Variants in TPST1 observed in about 807,000 individuals in gnomAD.
The protein encoded by TPST1 is tyrosylprotein sulfotransferase 1, also known as protein-tyrosine sulfotransferase 1.
A neutral mutation model predicts 34.8 loss-of-function variants in TPST1; 20 were observed. The observed-to-expected ratio is 0.57, with a 90% CI of 0.40 to 0.84. TPST1 has a LOEUF of 0.84. Among genes scored for constraint, TPST1 ranks in the 40% least tolerant of loss-of-function variants. The pLI, the probability that TPST1 is intolerant of heterozygous loss-of-function variation, is 0.00. For synonymous variants in TPST1, 152 were observed against 159.4 expected (o/e 0.95, Z 0.35); for missense variants, 353 against 455.5 (o/e 0.78, Z 2.05).
chr7:66,296,169 A>C (rs531588938), intron 3 of TPST1, among the ~76,000 whole-genome samples: 1 of 152,108 alleles, frequency 6.6e-6, no homozygotes, highest in African/African-American at 2.4e-5. Flanking sequence ...CCATGTGACT[A>C]AAGAATCTAT....
At chr7:66,327,994 C>CT (rs1241420683) in intron 3 of TPST1, among the ~76,000 whole-genome samples, 17 of 47,776 alleles carry the variant, frequency 3.6e-4, no homozygotes, top group Non-Finnish European at 6.6e-4. Context: ...TTTTTTCTTT[C>CT]TTTTTTTTTT....
At chr7:66,211,033 CAT>C (rs1402527899) in intron 1 of TPST1, among the ~76,000 whole-genome samples, 1 of 138,496 alleles carries the variant, frequency 7.2e-6, no homozygotes, top group East Asian at 2.0e-4. Flanking sequence ...CCTTTGTTGA[CAT>C]AGTTTCTTGC....
chr7:66,351,551 C>T (rs1389296973), intron 3 of TPST1, among the ~76,000 whole-genome samples: 1 of 151,720 alleles, frequency 6.6e-6, no homozygotes, highest in African/African-American at 2.4e-5. Context: ...AGTAATGTAT[C>T]GATATCTGGT....
rs755634204 is a variant in TPST1 at position 66,241,300 on chromosome 7, C to A, written c.845+30C>A. The A allele has an allele frequency of 3.2e-6, 5 of 1,567,736 alleles. No individual in the cohort carries two copies. The African/African-American group carries it at 6.8e-5, about 21-fold the overall frequency. On this transcript the variant is annotated intron_variant, in intron 2 of 5. Coordinates refer to ENST00000304842, the MANE Select transcript of TPST1 (RefSeq NM_003596.4). ...GTAGAAGATACGTTTTTTATTTTGA[C>A]TCTATATTTAGCTAATAATGATCTA...
chr7:66,203,486 CTTTTTTTT>C (rs373614847), upstream of TPST1, among the ~76,000 whole-genome samples: 2 of 134,572 alleles, frequency 1.5e-5, no homozygotes, highest in Admixed American at 7.6e-5. Flanking sequence ...ACAAAAACTT[CTTTTTTTT>C]TTTTTTTTTG....
At chr7:66,333,171 T>C (rs1405183173) in intron 3 of TPST1, among the ~76,000 whole-genome samples, 3 of 152,224 alleles carry the variant, frequency 2.0e-5, no homozygotes, top group African/African-American at 4.8e-5. Context: ...GAATTAATTA[T>C]ACCTCACTCC....
At chr7:66,255,896 CA>C (rs1318775241) in intron 2 of TPST1, among the ~76,000 whole-genome samples, 2 of 151,720 alleles carry the variant, frequency 1.3e-5, no homozygotes, top group East Asian at 1.9e-4. Flanking sequence ...TGAAGCAGTA[CA>C]GTTTTTTTTA....
At chr7:66,348,224 A>C (rs1307584264) in intron 3 of TPST1, among the ~76,000 whole-genome samples, 1 of 152,144 alleles carries the variant, frequency 6.6e-6, no homozygotes, top group African/African-American at 2.4e-5. Flanking sequence ...AGCCATCATT[A>C]TCTCTTCTCT....
chr7:66,200,539 C>T (rs1008544104), upstream of TPST1, among the ~76,000 whole-genome samples: 2 of 151,718 alleles, frequency 1.3e-5, no homozygotes, highest in African/African-American at 4.8e-5. Context: ...CCTGCCTCAG[C>T]CTCCCGGGTA....
chr7:66,328,030 T>TTG (rs1791907854), intron 3 of TPST1, among the ~76,000 whole-genome samples: 1 of 122,446 alleles, frequency 8.2e-6, no homozygotes, highest in African/African-American at 3.1e-5. Flanking sequence ...TTTTTTTTTT[T>TTG]TTTTTTTTTG....
chr7:66,336,015 A>T (rs1792111377), intron 3 of TPST1, among the ~76,000 whole-genome samples: 1 of 152,234 alleles, frequency 6.6e-6, no homozygotes, highest in Non-Finnish European at 1.5e-5. Flanking sequence ...CCTCTTTAAA[A>T]AGTTCAGTGA....
intron 3 of TPST1, among the ~76,000 whole-genome samples, chr7:66,294,248 A>G (rs539233506): frequency 1.1e-3 from 160 of 152,300 alleles, no homozygotes; most frequent in African/African-American, 3.5e-3. Flanking sequence ...CTACATTTCA[A>G]ATAAGACAAC....
intron 3 of TPST1, among the ~76,000 whole-genome samples, chr7:66,327,755 A>G (rs946298658): frequency 1.4e-5 from 2 of 140,114 alleles, no homozygotes; most frequent in African/African-American, 2.7e-5. Context: ...GTGTGTGTGT[A>G]TGTACGTTGA....
At chr7:66,250,918 G>A (rs370125952) in intron 2 of TPST1, among the ~76,000 whole-genome samples, 9 of 152,360 alleles carry the variant, frequency 5.9e-5, no homozygotes, top group South Asian at 4.1e-4. Flanking sequence ...TTGCATGGAC[G>A]TGTTGAACAA....
chr7:66,220,226 A>G (rs1273557678), intron 1 of TPST1, among the ~76,000 whole-genome samples: 1 of 152,208 alleles, frequency 6.6e-6, no homozygotes, highest in Admixed American at 6.5e-5. Context: ...CAAGTGCTCA[A>G]TATGCTTGTA....
chr7:66,229,730 T>A (rs925380802), intron 1 of TPST1, among the ~76,000 whole-genome samples: 1 of 152,188 alleles, frequency 6.6e-6, no homozygotes, highest in Non-Finnish European at 1.5e-5. Flanking sequence ...ATATCTATCA[T>A]TGGGCATTCC....
At chr7:66,251,722 C>T (rs1326263674) in intron 2 of TPST1, among the ~76,000 whole-genome samples, 1 of 151,114 alleles carries the variant, frequency 6.6e-6, no homozygotes. Flanking sequence ...TCCTTTGTTT[C>T]TTTGTTTAGT....
intron 2 of TPST1, among the ~76,000 whole-genome samples, chr7:66,272,587 CTTTT>C: frequency 7.4e-6 from 1 of 135,882 alleles, no homozygotes; most frequent in African/African-American, 2.7e-5. Flanking sequence ...CACCCCAATT[CTTTT>C]TTTTTTTTTT....
At chr7:66,305,170 A>G (rs1791397269) in intron 3 of TPST1, among the ~76,000 whole-genome samples, 1 of 152,166 alleles carries the variant, frequency 6.6e-6, no homozygotes, top group Non-Finnish European at 1.5e-5. Flanking sequence ...GAAAAGTGGA[A>G]AAAAGAATTC....
Sources: gnomAD v4.1 joint callset for allele counts (sites outside exome capture counted in the v4.1 genomes callset) on GRCh38, gnomAD v4.1.1 for gene constraint, MANE v1.5 for transcripts, NCBI Gene and HGNC (gene_info 2026-07-23, HGNC 2026-07-21) for gene names.